Variants in LARGE1 observed in about 807,000 individuals in gnomAD.
The protein encoded by LARGE1 is xylosyl- and glucuronyltransferase LARGE1.
In LARGE1, 43 loss-of-function variants were observed where a neutral mutation model predicts 87.6. The observed-to-expected ratio is 0.49, with a 90% confidence interval of 0.38 to 0.63. LARGE1 has a LOEUF of 0.63. Ranked by LOEUF, LARGE1 falls within the 30% of genes least tolerant of loss-of-function variation. The probability of loss-of-function intolerance (pLI) is 0.00; values close to 1 mark genes in which losing one functional copy is unlikely to be tolerated. For synonymous variants in LARGE1, 434 were observed against 394.6 expected (o/e 1.10, Z -1.18); for missense variants, 802 against 1,000.2 (o/e 0.80, Z 2.67).
In LARGE1 at chr22:33,570,634, G is replaced by A. The variant is rs546329381; in HGVS notation, c.616-5615C>T. Among the ~76,000 whole-genome samples the A allele has an allele frequency of 3.9e-4, 46 of 118,710 alleles. No individual in the cohort carries two copies. The East Asian group carries it at 4.3e-3, about 11-fold the overall frequency. The allele number at this position is 118,710 out of a possible 152,430, so 77.9% of individuals were successfully genotyped here. A position where few individuals can be genotyped will look rare whatever the true frequency, so the allele number is the denominator to read the frequency against. ...CTGCACTCCAGCCTGGCAATGGAGC[G>A]AGACTCCATTTCAAAAAAAAAAAAA... On this transcript the variant is annotated intron_variant, in intron 5 of 14. Transcript: ENST00000397394.
At chr22:33,388,494 C>T (rs1009218674) in intron 7 of LARGE1, among the ~76,000 whole-genome samples, 1 of 152,230 alleles carries the variant, frequency 6.6e-6, no homozygotes, top group Admixed American at 6.5e-5. Flanking sequence ...TGAGTAGCTA[C>T]TATGTGTGAA....
intron 11 of LARGE1, among the ~76,000 whole-genome samples, chr22:33,310,094 A>T (rs779646393): frequency 1.1e-4 from 16 of 152,090 alleles, no homozygotes; most frequent in Non-Finnish European, 1.2e-4. Flanking sequence ...ATTTCCAGGC[A>T]CCACCCGAGA....
chr22:33,488,446 C>T (rs1178564287), intron 6 of LARGE1, among the ~76,000 whole-genome samples: 1 of 152,066 alleles, frequency 6.6e-6, no homozygotes, highest in African/African-American at 2.4e-5. Flanking sequence ...AAAATGTTGG[C>T]ATGTTTTCAA....
intron 9 of LARGE1, among the ~76,000 whole-genome samples, chr22:33,380,382 C>A (rs945466532): frequency 2.6e-5 from 4 of 152,048 alleles, no homozygotes; most frequent in African/African-American, 9.7e-5. Context: ...ATTTCAAGTG[C>A]AGTTAAAAAA....
At chr22:33,530,885 CTTA>C (rs993342105) in intron 6 of LARGE1, among the ~76,000 whole-genome samples, 1 of 152,180 alleles carries the variant, frequency 6.6e-6, no homozygotes, top group Non-Finnish European at 1.5e-5. Context: ...AGAACAGTAT[CTTA>C]TTGACTGGCC....
At chr22:33,911,634 C>T (rs1207688270) in intron 1 of LARGE1, among the ~76,000 whole-genome samples, 1 of 152,204 alleles carries the variant, frequency 6.6e-6, no homozygotes, top group African/African-American at 2.4e-5. Context: ...ATTTTCAAGG[C>T]AACTTGTCAT....
intron 2 of LARGE1, among the ~76,000 whole-genome samples, chr22:33,754,656 AT>A (rs1243028431): frequency 1.3e-5 from 2 of 152,058 alleles, no homozygotes; most frequent in African/African-American, 4.8e-5. Context: ...TTTTGATCCA[AT>A]TTTTTAAAAA....
intron 2 of LARGE1, among the ~76,000 whole-genome samples, chr22:33,758,750 C>T (rs1325105082): frequency 6.6e-6 from 1 of 152,208 alleles, no homozygotes; most frequent in Non-Finnish European, 1.5e-5. Context: ...TATGAATTCT[C>T]CATAATCCAG....
chr22:33,704,853 G>C (rs1362780067), intron 2 of LARGE1: 1 of 152,238 alleles, frequency 6.6e-6, no homozygotes, highest in Non-Finnish European at 1.5e-5. Context: ...GACAAGCTGG[G>C]TCTGCTCTAG....
chr22:33,309,770 T>G (rs186965250), intron 11 of LARGE1, among the ~76,000 whole-genome samples: 21 of 152,160 alleles, frequency 1.4e-4, no homozygotes, highest in Non-Finnish European at 5.9e-5. Flanking sequence ...GGGCTCAGCA[T>G]GTTCGAGCAG....
At chr22:33,330,267 A>G (rs1937580718) in intron 10 of LARGE1, among the ~76,000 whole-genome samples, 1 of 152,194 alleles carries the variant, frequency 6.6e-6, no homozygotes, top group Admixed American at 6.5e-5. Context: ...CTGATTATCC[A>G]ACTATGTTCT....
Position 33,302,929 on chromosome 22 carries a change from T to C in LARGE1, c.1730+1300A>G, listed in dbSNP as rs117613170. On this transcript the variant is annotated intron_variant, in intron 12 of 14. Coordinates refer to ENST00000397394, the MANE Select transcript of LARGE1 (RefSeq NM_133642.5). Reference sequence around the variant, plus strand: ...GGTTCGATGTGTAGAACCAATGGGATGATATATGCAAATCACCTCTCATGG... The same window carrying C: ...GGTTCGATGTGTAGAACCAATGGGACGATATATGCAAATCACCTCTCATGG... Among the ~76,000 whole-genome samples the C allele has an allele frequency of 6.6e-5, 10 of 152,252 alleles. No homozygotes were observed. The East Asian group carries it at 1.7e-3, about 26-fold the overall frequency.
At chr22:33,490,394 T>C (rs1243691641) in intron 6 of LARGE1, among the ~76,000 whole-genome samples, 1 of 152,224 alleles carries the variant, frequency 6.6e-6, no homozygotes, top group African/African-American at 2.4e-5. Context: ...TGAGATGTTA[T>C]TTTAATGAAA....
chr22:33,068,489 C>CA, the LARGE1 span, among the ~76,000 whole-genome samples: 8 of 151,996 alleles, frequency 5.3e-5, no homozygotes, highest in African/African-American at 1.9e-4. Context: ...ACTAAAAATA[C>CA]AAAAAATTAG....
chr22:33,787,369 C>A (rs1266651843), intron 1 of LARGE1, among the ~76,000 whole-genome samples: 1 of 152,148 alleles, frequency 6.6e-6, no homozygotes, highest in African/African-American at 2.4e-5. Context: ...GCTCCTCCTA[C>A]CAAGACAGGA....
the LARGE1 span, among the ~76,000 whole-genome samples, chr22:33,106,512 T>C: frequency 6.6e-6 from 1 of 152,130 alleles, no homozygotes; most frequent in African/African-American, 2.4e-5. Context: ...TTTTCTTTTT[T>C]TGAGACGGAA....
At chr22:33,085,230 C>T in the LARGE1 span, among the ~76,000 whole-genome samples, 1 of 152,198 alleles carries the variant, frequency 6.6e-6, no homozygotes, top group African/African-American at 2.4e-5. Context: ...GAGCCGAGAT[C>T]GCGCCACTGC....
At chr22:33,206,951 C>G (rs556786006) in intron 11 of LARGE1, among the ~76,000 whole-genome samples, 24 of 152,270 alleles carry the variant, frequency 1.6e-4, no homozygotes, top group African/African-American at 5.5e-4. Flanking sequence ...TTTTTATATT[C>G]AATTCAAAGC....
the LARGE1 span, among the ~76,000 whole-genome samples, chr22:33,111,578 C>G: frequency 2.6e-5 from 4 of 152,120 alleles, no homozygotes; most frequent in South Asian, 2.1e-4. Flanking sequence ...CAATTCCCCC[C>G]GTCCAGACTC....
Sources: allele counts gnomAD v4.1 joint callset (sites outside exome capture counted in the v4.1 genomes callset), GRCh38; gene constraint gnomAD v4.1.1; transcripts MANE v1.5; gene names NCBI Gene and HGNC (gene_info 2026-07-23, HGNC 2026-07-21).